SRPK2: variants seen among roughly 807,000 people sequenced by gnomAD.
SRPK2 encodes the protein SRSF protein kinase 2.
A neutral mutation model predicts 90.8 loss-of-function variants in SRPK2; 21 were observed. The observed-to-expected ratio is 0.23, with a 90% CI of 0.16 to 0.33. The LOEUF (loss-of-function observed/expected upper bound fraction) is 0.33. SRPK2 is among the 10% of genes least tolerant of loss of function. The probability of loss-of-function intolerance (pLI) is 1.00; values close to 1 mark genes in which losing one functional copy is unlikely to be tolerated. For missense variants in SRPK2, 620 were observed against 869.0 expected (o/e 0.71, Z 3.60); for synonymous variants, 288 against 311.1 (o/e 0.93, Z 0.78).
At chr7:105,383,053 A>ATTTTTT (rs1161926443) in intron 2 of SRPK2, among the ~76,000 whole-genome samples, 2 of 101,678 alleles carry the variant, frequency 2.0e-5, no homozygotes, top group South Asian at 2.9e-4. Context: ...AAAAGTAAAA[A>ATTTTTT]TTTTTTTTTT....
At chr7:105,218,056 A>C (rs1246271630) in intron 2 of SRPK2, among the ~76,000 whole-genome samples, 1 of 152,172 alleles carries the variant, frequency 6.6e-6, no homozygotes, top group East Asian at 1.9e-4. Flanking sequence ...TAGCTAGGAA[A>C]GGGCGTTCTA....
At chr7:105,136,739 G>A (rs1377878574) in intron 11 of SRPK2, among the ~76,000 whole-genome samples, 2 of 152,166 alleles carry the variant, frequency 1.3e-5, no homozygotes, top group South Asian at 2.1e-4. Context: ...TTACAAGGAC[G>A]ACAAGAATAT....
At chr7:105,327,721 C>T (rs1813754221) in intron 2 of SRPK2, among the ~76,000 whole-genome samples, 1 of 152,218 alleles carries the variant, frequency 6.6e-6, no homozygotes, top group African/African-American at 2.4e-5. Flanking sequence ...CCAATATTAG[C>T]TGAATGAATG....
intron 2 of SRPK2, among the ~76,000 whole-genome samples, chr7:105,291,412 C>G (rs755558013): frequency 3.9e-5 from 6 of 152,178 alleles, no homozygotes; most frequent in Non-Finnish European, 8.8e-5. Context: ...AGGCCGGACA[C>G]AGTGGCTCAC....
chr7:105,338,048 A>C (rs1028978927), intron 2 of SRPK2, among the ~76,000 whole-genome samples: 5 of 149,274 alleles, frequency 3.3e-5, no homozygotes, highest in African/African-American at 5.0e-5. Context: ...AGTTTCCTAT[A>C]ATTAAAAAAA....
intron 2 of SRPK2, among the ~76,000 whole-genome samples, chr7:105,313,580 TC>T (rs1811971686): frequency 6.6e-6 from 1 of 151,766 alleles, no homozygotes; most frequent in African/African-American, 2.4e-5. Flanking sequence ...TGAAACCCCA[TC>T]TCTACTAAAA....
chr7:105,357,223 T>C (rs1817880106), intron 2 of SRPK2, among the ~76,000 whole-genome samples: 1 of 151,994 alleles, frequency 6.6e-6, no homozygotes, highest in East Asian at 1.9e-4. Context: ...TTTTGTTTAG[T>C]AGAGATGGGG....
intron 2 of SRPK2, among the ~76,000 whole-genome samples, chr7:105,379,219 C>G (rs1820658864): frequency 6.6e-6 from 1 of 151,576 alleles, no homozygotes; most frequent in Non-Finnish European, 1.5e-5. Context: ...TAGGTTCAAC[C>G]AATCATGAAT....
At chr7:105,153,505 A>G (rs1562996766) in intron 7 of SRPK2, among the ~76,000 whole-genome samples, 1 of 152,130 alleles carries the variant, frequency 6.6e-6, no homozygotes, top group Non-Finnish European at 1.5e-5. Flanking sequence ...AATCTTGTAG[A>G]TAAGTCGGGG....
chr7:105,159,957 CTG>C (rs1167690126), intron 7 of SRPK2, among the ~76,000 whole-genome samples: 3 of 151,982 alleles, frequency 2.0e-5, no homozygotes, highest in African/African-American at 2.4e-5. Flanking sequence ...CATATAGACT[CTG>C]TGTGTGTGTA....
chr7:105,364,405 G>GTT (rs71152964), intron 2 of SRPK2, among the ~76,000 whole-genome samples: 24 of 133,908 alleles, frequency 1.8e-4, no homozygotes, highest in South Asian at 2.4e-4. Context: ...CGTGTGTAAC[G>GTT]TTTTTTTTTT....
chr7:105,232,266 G>A (rs942849353), intron 2 of SRPK2, among the ~76,000 whole-genome samples: 1 of 151,950 alleles, frequency 6.6e-6, no homozygotes, highest in Non-Finnish European at 1.5e-5. Context: ...TTCGAGACCA[G>A]CCTCACCAAC....
intron 2 of SRPK2, among the ~76,000 whole-genome samples, chr7:105,243,491 G>GT (rs1487685883): frequency 6.6e-6 from 1 of 152,064 alleles, no homozygotes; most frequent in African/African-American, 2.4e-5. Flanking sequence ...GGCCGACATG[G>GT]TGAAACCCTC....
intron 2 of SRPK2, among the ~76,000 whole-genome samples, chr7:105,359,219 C>T (rs6466061): frequency 0.43 from 60,139 of 139,070 alleles, 14,489 homozygotes; most frequent in Non-Finnish European, 0.54. Context: ...AGTGCAATGG[C>T]GCGATCTTGG....
At chr7:105,195,787 A>G (rs1318005664) in intron 3 of SRPK2, among the ~76,000 whole-genome samples, 2 of 152,122 alleles carry the variant, frequency 1.3e-5, no homozygotes, top group Non-Finnish European at 2.9e-5. Flanking sequence ...ATTATTAACG[A>G]ACCACACTTA....
chr7:105,386,816 T>C (rs1412388831), intron 2 of SRPK2, among the ~76,000 whole-genome samples: 1 of 152,234 alleles, frequency 6.6e-6, no homozygotes, highest in Non-Finnish European at 1.5e-5. Context: ...CCCGTTACCT[T>C]ACAGACTAGA....
intron 3 of SRPK2, among the ~76,000 whole-genome samples, chr7:105,189,010 G>C (rs1793934508): frequency 6.6e-6 from 1 of 152,182 alleles, no homozygotes; most frequent in Non-Finnish European, 1.5e-5. Context: ...AATGAGCTAA[G>C]AAGAAGCCAC....
At chr7:105,150,829 T>G (rs1057312635) in intron 7 of SRPK2, among the ~76,000 whole-genome samples, 1 of 152,232 alleles carries the variant, frequency 6.6e-6, no homozygotes, top group Non-Finnish European at 1.5e-5. Flanking sequence ...AAAATTGTAT[T>G]TCGGTATCAA....
At chr7:105,135,404 C>T (rs1802651132) in intron 11 of SRPK2, among the ~76,000 whole-genome samples, 1 of 152,166 alleles carries the variant, frequency 6.6e-6, no homozygotes, top group Non-Finnish European at 1.5e-5. Context: ...TCGTCTGGGG[C>T]AGAGGCTCCC....
Sources: gnomAD v4.1 joint callset for allele counts (sites outside exome capture counted in the v4.1 genomes callset) on GRCh38, gnomAD v4.1.1 for gene constraint, MANE v1.5 for transcripts, NCBI Gene and HGNC (gene_info 2026-07-23, HGNC 2026-07-21) for gene names.